The following CMTM8 variants were observed in gnomAD, a reference collection of about 807,000 sequenced individuals.
CMTM8 encodes CKLF-like MARVEL transmembrane domain-containing protein 8.
A neutral mutation model predicts 18.6 loss-of-function variants in CMTM8; 12 were observed. That is an observed-to-expected ratio of 0.65 (90% CI 0.41 to 1.05). CMTM8 has a LOEUF of 1.05. Among genes scored for constraint, CMTM8 ranks in the 50% least tolerant of loss-of-function variants. The pLI, the probability that CMTM8 is intolerant of heterozygous loss-of-function variation, is 0.00. For missense variants in CMTM8, 217 were observed against 227.2 expected (o/e 0.95, Z 0.29); for synonymous variants, 87 against 90.6 (o/e 0.96, Z 0.23).
chr3:32,276,745 AC>A (rs1702525424), intron 1 of CMTM8, among the ~76,000 whole-genome samples: 1 of 151,748 alleles, frequency 6.6e-6, no homozygotes, highest in Admixed American at 6.6e-5. Context: ...CCTTTATGCC[AC>A]CTCCCACTCC....
chr3:32,367,665 G>A (rs1313608980), intron 2 of CMTM8, among the ~76,000 whole-genome samples: 1 of 152,128 alleles, frequency 6.6e-6, no homozygotes, highest in Non-Finnish European at 1.5e-5. Context: ...TCTCGTGGGG[G>A]CAGGGGTTGG....
intron 1 of CMTM8, among the ~76,000 whole-genome samples, chr3:32,269,059 CTTTG>C (rs1003711017): frequency 3.3e-5 from 5 of 152,166 alleles, no homozygotes; most frequent in African/African-American, 7.2e-5. Context: ...TCAAATATCA[CTTTG>C]TTTGAAGCAC....
chr3:32,241,803 C>T (rs149666791), intron 1 of CMTM8, among the ~76,000 whole-genome samples: 3 of 152,172 alleles, frequency 2.0e-5, no homozygotes, highest in East Asian at 1.9e-4. Context: ...TGACCCAGTG[C>T]GTAGACTATG....
intron 1 of CMTM8, among the ~76,000 whole-genome samples, chr3:32,316,834 C>T (rs576243938): frequency 1.2e-4 from 18 of 152,272 alleles, no homozygotes; most frequent in Admixed American, 1.0e-3. Context: ...AGGATCAAAT[C>T]CCTGACTGTT....
intron 1 of CMTM8, among the ~76,000 whole-genome samples, chr3:32,352,186 C>A (rs201083892): frequency 0.02 from 211 of 10,630 alleles, no homozygotes; most frequent in African/African-American, 0.028. Flanking sequence ...AAAAAAAACA[C>A]ACACACACAC....
chr3:32,353,551 G>GGAAGGTTGTCCTCCATGGTATTACT (rs1181492681), intron 1 of CMTM8, among the ~76,000 whole-genome samples: 1 of 152,178 alleles, frequency 6.6e-6, no homozygotes, highest in Non-Finnish European at 1.5e-5. Context: ...GTAGTAGTGT[G>GGAAGGTTGTCCTCCATGGTATTACT]GAAGGTTGTC....
chr3:32,347,897 G>A (rs570455814), intron 1 of CMTM8, among the ~76,000 whole-genome samples: 8 of 152,232 alleles, frequency 5.3e-5, no homozygotes, highest in East Asian at 1.9e-4. Flanking sequence ...GCTGTCTTTC[G>A]AGTCACTCTG....
chr3:32,289,918 CTT>C (rs1702751087), intron 1 of CMTM8, among the ~76,000 whole-genome samples: 1 of 152,062 alleles, frequency 6.6e-6, no homozygotes, highest in Non-Finnish European at 1.5e-5. Flanking sequence ...ATTGCTCGAG[CTT>C]AGAAGTTCAA....
At chr3:32,296,862 A>T (rs777735233) in intron 1 of CMTM8, among the ~76,000 whole-genome samples, 8 of 152,176 alleles carry the variant, frequency 5.3e-5, no homozygotes, top group Non-Finnish European at 8.8e-5. Flanking sequence ...ACTGTGTGTT[A>T]TTGTGGCTGA....
intron 1 of CMTM8, among the ~76,000 whole-genome samples, chr3:32,331,649 C>T (rs938758676): frequency 8.6e-5 from 13 of 151,466 alleles, no homozygotes; most frequent in African/African-American, 3.2e-4. Context: ...TGCACATCAA[C>T]AGATTAATGG....
chr3:32,279,641 G>A (rs1173381600), intron 1 of CMTM8, among the ~76,000 whole-genome samples: 1 of 73,660 alleles, frequency 1.4e-5, no homozygotes, highest in Non-Finnish European at 2.6e-5. Context: ...ATAAACATAC[G>A]TGTGCATGTG....
At chr3:32,329,922 C>CA (rs1424026382) in intron 1 of CMTM8, among the ~76,000 whole-genome samples, 2 of 151,976 alleles carry the variant, frequency 1.3e-5, no homozygotes, top group Non-Finnish European at 2.9e-5. Flanking sequence ...ATTCAACACA[C>CA]AAAAAAATCA....
intron 1 of CMTM8, chr3:32,259,796 G>A (rs1234858228): frequency 3.0e-5 from 25 of 836,780 alleles, no homozygotes; most frequent in Non-Finnish European, 4.5e-5. Context: ...CACACAGTCC[G>A]CCGAGGTTGG....
Position 32,367,889 on chromosome 3 carries a change from C to T in CMTM8, c.339C>T (p.Gly113=), listed in dbSNP as rs1697070676. ...CCCCCCAGGGCCTGTGCTTTAACGG[C>T]AGTGCCTTCGTCTTGTACCTCTCTG... ...PWTTVGLCFN[G]SAFVLYLSAA... is the part of the protein sequence containing the mutation. The change falls in exon 3 of 4, where the codon GGC becomes GGT. Residue 113 remains glycine (G), a synonymous_variant. Coordinates refer to ENST00000307526, the MANE Select transcript of CMTM8 (RefSeq NM_178868.5). 2 of 1,613,628 alleles carry T rather than the reference C, an allele frequency of 1.2e-6. No homozygotes were observed. Among genetic ancestry groups the T allele is most frequent in the African/African-American group, 1.3e-5 (1 of 74,904 alleles).
At chr3:32,247,177 A>T (rs1305099199) in intron 1 of CMTM8, among the ~76,000 whole-genome samples, 2 of 152,156 alleles carry the variant, frequency 1.3e-5, no homozygotes, top group Admixed American at 1.3e-4. Flanking sequence ...GAGTTCTATG[A>T]GTTTTGGCAT....
intron 1 of CMTM8, among the ~76,000 whole-genome samples, chr3:32,291,119 G>A (rs1702772305): frequency 6.6e-6 from 1 of 151,768 alleles, no homozygotes; most frequent in Non-Finnish European, 1.5e-5. Flanking sequence ...AGGTGAGTTT[G>A]AGTAGAGAAG....
At chr3:32,271,187 C>A (rs1017555829) in intron 1 of CMTM8, among the ~76,000 whole-genome samples, 2 of 152,116 alleles carry the variant, frequency 1.3e-5, no homozygotes, top group Non-Finnish European at 2.9e-5. Context: ...AGTGCAATGG[C>A]GTGATCTCAG....
intron 1 of CMTM8, among the ~76,000 whole-genome samples, chr3:32,310,523 T>C (rs1164277965): frequency 6.6e-6 from 1 of 152,184 alleles, no homozygotes; most frequent in Admixed American, 6.5e-5. Flanking sequence ...AAATAGCTGT[T>C]TACTACTTTC....
intron 1 of CMTM8, among the ~76,000 whole-genome samples, chr3:32,264,688 T>C (rs1702309543): frequency 6.6e-6 from 1 of 152,196 alleles, no homozygotes; most frequent in Non-Finnish European, 1.5e-5. Context: ...CCCATCAGTG[T>C]GCTGTATTCA....
Sources: allele counts gnomAD v4.1 joint callset (sites outside exome capture counted in the v4.1 genomes callset), GRCh38; gene constraint gnomAD v4.1.1; transcripts MANE v1.5; gene names NCBI Gene and HGNC (gene_info 2026-07-23, HGNC 2026-07-21).